Variants in MRNIP observed in about 807,000 individuals in gnomAD.
MRNIP encodes the protein MRN complex-interacting protein.
MRNIP carries 30 observed loss-of-function variants against 29.8 expected under a neutral mutation model. The observed-to-expected ratio is 1.01, with a 90% confidence interval of 0.75 to 1.36. MRNIP has a LOEUF of 1.36. Among genes scored for constraint, MRNIP ranks in the 40% most tolerant of loss-of-function variants. MRNIP has a pLI of 0.00. For missense variants in MRNIP, 459 were observed against 423.5 expected (o/e 1.08, Z -0.74); for synonymous variants, 201 against 164.1 (o/e 1.23, Z -1.72).
In MRNIP at chr5:179,837,586, G is replaced by C. The variant is rs778961691; in HGVS notation, c.837C>G (p.Pro279=). 2 of 1,614,244 alleles carry C rather than the reference G, an allele frequency of 1.2e-6. No individual in the cohort carries two copies. Among genetic ancestry groups the C allele is most frequent in the South Asian group, 2.2e-5 (2 of 91,084 alleles). The part of the protein sequence containing the change: ...AQASREGLSR[P]TAAVQLPRAT... Reference sequence around the variant, plus strand: ...CCCGAGGAAGCTGGACAGCGGCAGTGGGCCTGCTGAGGCCTTCTCTTGAGG... The same window carrying C: ...CCCGAGGAAGCTGGACAGCGGCAGTCGGCCTGCTGAGGCCTTCTCTTGAGG... The change falls in exon 7 of 7, where the codon CCC becomes CCG. Residue 279 remains proline, a synonymous_variant. Coordinates refer to ENST00000292586, the MANE Select transcript of MRNIP (RefSeq NM_016175.4).
chr5:179,851,774 T>C (rs569432706), intron 2 of MRNIP, among the ~76,000 whole-genome samples: 59 of 151,996 alleles, frequency 3.9e-4, no homozygotes, highest in East Asian at 1.7e-3. Flanking sequence ...GTCAGGAGAT[T>C]GACACCATCC....
At position 179,837,551 on chromosome 5, in the gene MRNIP, G is replaced by C; in HGVS notation, c.872C>G (p.Pro291Arg). The C allele has an allele frequency of 6.2e-7, 1 of 1,614,208 alleles. No individual in the cohort carries two copies. The change falls in exon 7 of 7, where the codon CCC becomes CGC. Residue 291 changes from proline (P) to arginine (R), a missense_variant. Coordinates refer to ENST00000292586, the MANE Select transcript of MRNIP (RefSeq NM_016175.4). ...AGGCCTCTCAGACCCAGATGTGACG[G>C]GGTGTGTGGCCCGAGGAAGCTGGAC... ...AAVQLPRATH[P>R]VTSGSERPCG...
At chr5:179,845,495 A>T (rs876908) in intron 3 of MRNIP, among the ~76,000 whole-genome samples, 62,794 of 149,186 alleles carry the variant, frequency 0.42, 14,416 homozygotes, top group East Asian at 0.78. Context: ...AGTTCTACAA[A>T]CTCTTTTATT....
rs189126286 is a variant in MRNIP, at chr5:179,841,801, C to T, written c.449+106G>A. Reference sequence around the variant, plus strand: ...TTTCCCACCTGCTGGCACTTGCCACCTAGGCTTCCCGCGCTTGGCTGACGC... The same window carrying T: ...TTTCCCACCTGCTGGCACTTGCCACTTAGGCTTCCCGCGCTTGGCTGACGC... On this transcript the variant is annotated intron_variant, in intron 5 of 6. Transcript: ENST00000292586. 114 of 1,263,078 alleles carry T rather than the reference C, an allele frequency of 9.0e-5. No homozygotes were observed. The East Asian group carries it at 2.3e-3, about 25-fold the overall frequency. 78.2% of individuals were successfully genotyped at this position (1,263,078 alleles called of 1,614,324 possible). A position where few individuals can be genotyped will look rare whatever the true frequency, so the allele number is the denominator to read the frequency against.
chr5:179,849,737 G>A (rs1012027763), intron 2 of MRNIP, among the ~76,000 whole-genome samples: 44 of 151,000 alleles, frequency 2.9e-4, no homozygotes, highest in African/African-American at 1.1e-3. Flanking sequence ...TATGGCACAG[G>A]CAGATGCTAC....
At chr5:179,840,827 C>G (rs374971185) in intron 6 of MRNIP, 45 bp downstream of exon 6, 1 of 1,283,972 alleles carries the variant, frequency 7.8e-7, no homozygotes, top group Non-Finnish European at 1.1e-6. Flanking sequence ...ATCACACACA[C>G]GCTCAGTGGT....
chr5:179,842,161 G>T, intron 4 of MRNIP, 97 bp from the exon 5 acceptor site: 3 of 1,200,508 alleles, frequency 2.5e-6, no homozygotes. Flanking sequence ...GATCTCAGGA[G>T]TCATGTCCAG....
In MRNIP at chr5:179,844,152, C is replaced by T. The variant is rs1216879996; in HGVS notation, c.291G>A (p.Gln97=). 10 of 1,614,102 alleles carry T rather than the reference C, an allele frequency of 6.2e-6. No homozygotes were observed. The highest frequency in any genetic ancestry group is 7.6e-6 in the Non-Finnish European group (9 of 1,179,962). ...GHQQAGNVKQ[Q]EKSQPSESRW... is the part of the protein sequence containing the mutation. ...TGGGGCAGGTGGGCCTGAGGCTTACCTGCTGCTTCACATTCCCAGCCTGCT... is the reference window on the plus strand; with the variant it reads ...TGGGGCAGGTGGGCCTGAGGCTTACTTGCTGCTTCACATTCCCAGCCTGCT... The change falls in exon 4 of 7, where the codon CAG becomes CAA. Residue 97 remains glutamine (Q), a splice_region_variant and synonymous_variant. Transcript: ENST00000292586.
At chr5:179,840,456 A>T in intron 6 of MRNIP, 1 of 263,340 alleles carries the variant, frequency 3.8e-6, no homozygotes, top group Non-Finnish European at 7.2e-6. Context: ...AGAGTGCCTC[A>T]CATACAAGAG....
intron 1 of MRNIP, among the ~76,000 whole-genome samples, chr5:179,855,291 C>T (rs923416758): frequency 2.0e-5 from 3 of 152,116 alleles, no homozygotes; most frequent in East Asian, 1.9e-4. Flanking sequence ...ATTACAGGCA[C>T]GTGCCACCAC....
In MRNIP at chr5:179,844,141, C is replaced by T. The variant is rs1759027606; in HGVS notation, c.291+11G>A. ...CAGAGCCAGCCTGGGGCAGGTGGGCCTGAGGCTTACCTGCTGCTTCACATT... is the reference window on the plus strand; with the variant it reads ...CAGAGCCAGCCTGGGGCAGGTGGGCTTGAGGCTTACCTGCTGCTTCACATT... On this transcript the variant is annotated intron_variant, in intron 4 of 6. Transcript: ENST00000292586. The T allele has an allele frequency of 6.2e-7, 1 of 1,613,650 alleles. No homozygotes were observed. Among genetic ancestry groups the T allele is most frequent in the South Asian group, 1.1e-5 (1 of 91,054 alleles).
Position 179,841,883 on chromosome 5 carries a change from C to A in MRNIP, c.449+24G>T, listed in dbSNP as rs201272763. 120 of 1,610,988 alleles carry A rather than the reference C, an allele frequency of 7.4e-5. No homozygotes were observed. In the African/African-American group the frequency reaches 1.5e-3, roughly 20 times the overall value. On this transcript the variant is annotated intron_variant, in intron 5 of 6. Coordinates refer to ENST00000292586, the MANE Select transcript of MRNIP (RefSeq NM_016175.4). ...AGGCAGCAGAGGCCCTGGGCCAGGGCTGGAACGGAGACGCACTTGGTACCT... is the reference window on the plus strand; with the variant it reads ...AGGCAGCAGAGGCCCTGGGCCAGGGATGGAACGGAGACGCACTTGGTACCT...
At chr5:179,848,498 A>G (rs973197093) in intron 2 of MRNIP, among the ~76,000 whole-genome samples, 3 of 152,238 alleles carry the variant, frequency 2.0e-5, no homozygotes, top group African/African-American at 7.2e-5. Flanking sequence ...CTTACCAGTC[A>G]CAAATTCATC....
intron 5 of MRNIP, chr5:179,841,519 A>G (rs1469437801): frequency 5.0e-6 from 1 of 201,726 alleles, no homozygotes; most frequent in Non-Finnish European, 1.0e-5. Flanking sequence ...CAGTCTCTCC[A>G]AAAATCTCAC....
intron 6 of MRNIP, chr5:179,839,739 A>G: frequency 6.5e-6 from 1 of 152,992 alleles, no homozygotes; most frequent in Non-Finnish European, 1.5e-5. Context: ...TCCCAACTGC[A>G]GTGCCCTTGC....
intron 2 of MRNIP, among the ~76,000 whole-genome samples, chr5:179,850,774 A>G (rs1759333185): frequency 6.6e-6 from 1 of 152,134 alleles, no homozygotes; most frequent in African/African-American, 2.4e-5. Context: ...CGAAAACTAG[A>G]TGTCATTTTC....
chr5:179,848,065 GC>G lies in MRNIP; in HGVS notation c.127del (p.Ala43LeufsTer17), dbSNP rs745396871. ...ATCAGCACCAGAGCCTTCACCATAAGCCTGAGAAACCAAAAAATATATTACA... is the reference window on the plus strand; with the variant it reads ...ATCAGCACCAGAGCCTTCACCATAAGCTGAGAAACCAAAAAATATATTACA... ...ACGEKQSFLQ[A>X]YGEGSGADCR... On this transcript the variant is annotated frameshift_variant and splice_region_variant, in exon 3 of 7. Transcript: ENST00000292586. LOFTEE classifies it high-confidence loss of function. The G allele has an allele frequency of 6.2e-7, 1 of 1,613,262 alleles. No individual in the cohort carries two copies. Among genetic ancestry groups the G allele is most frequent in the Admixed American group, 1.7e-5 (1 of 60,020 alleles).
chr5:179,858,610 C>T, intron 1 of MRNIP, 121 bp downstream of exon 1: 2 of 634,162 alleles, frequency 3.2e-6, no homozygotes, highest in Non-Finnish European at 2.6e-6. Flanking sequence ...CCTCAGCGGT[C>T]CCTGCACTCC....
Position 179,837,380 on chromosome 5 carries a change from C to A in MRNIP, c.*11G>T. 1 of 1,583,496 alleles carries A rather than the reference C, an allele frequency of 6.3e-7. No individual in the cohort carries two copies. The highest frequency in any genetic ancestry group is 8.6e-7 in the Non-Finnish European group (1 of 1,163,526). The stretch of plus-strand genomic sequence containing the variant: ...CAAGTGTATCTCGATTAATAACCTG[C>A]CAGTCCCAGATCACACATCATCATC... On this transcript the variant is annotated 3_prime_UTR_variant, in exon 7 of 7. Coordinates refer to ENST00000292586, the MANE Select transcript of MRNIP (RefSeq NM_016175.4).
Sources: gnomAD v4.1 joint callset for allele counts (sites outside exome capture counted in the v4.1 genomes callset) on GRCh38, gnomAD v4.1.1 for gene constraint, MANE v1.5 for transcripts, NCBI Gene and HGNC (gene_info 2026-07-23, HGNC 2026-07-21) for gene names.